The following DOCK10 variants were observed in gnomAD, a reference collection of about 807,000 sequenced individuals.
DOCK10 encodes dedicator of cytokinesis 10, also known as dedicator of cytokinesis protein 10.
In DOCK10, 145 loss-of-function variants were observed where a neutral mutation model predicts 280.1. The ratio of observed to expected loss-of-function variants is 0.52; its 90% CI spans 0.45 to 0.59. The LOEUF (loss-of-function observed/expected upper bound fraction) is 0.59, where lower values mean the gene tolerates loss of function less well. DOCK10 is among the 20% of genes least tolerant of loss of function. The pLI is 0.00. For missense variants in DOCK10, 2,368 were observed against 2,651.7 expected (o/e 0.89, Z 2.35); for synonymous variants, 915 against 942.2 (o/e 0.97, Z 0.53).
chr2:224,858,096 G>T (rs72972610), intron 14 of DOCK10, among the ~76,000 whole-genome samples: 1 of 152,032 alleles, frequency 6.6e-6, no homozygotes, highest in Non-Finnish European at 1.5e-5. Flanking sequence ...TATAAAGGGC[G>T]TTTGTTTCAG....
intron 3 of DOCK10, among the ~76,000 whole-genome samples, chr2:224,903,104 C>A (rs2055711): frequency 0.29 from 44,511 of 152,088 alleles, 10,491 homozygotes; most frequent in African/African-American, 0.66. Context: ...TCTCAAAAAA[C>A]CAAAACAAAA....
At chr2:224,769,809 G>A (rs1408970338) in intron 55 of DOCK10, among the ~76,000 whole-genome samples, 1 of 152,150 alleles carries the variant, frequency 6.6e-6, no homozygotes, top group Non-Finnish European at 1.5e-5. Flanking sequence ...TTCATCGTGA[G>A]TATAGTGTAG....
Position 224,804,188 on chromosome 2 carries a change from C to T in DOCK10, c.4192G>A (p.Val1398Met). 6.2e-7 allele frequency: 1 copy of T among 1,610,616 alleles called. No homozygotes were observed. The highest frequency in any genetic ancestry group is 8.5e-7 in the Non-Finnish European group (1 of 1,178,092). The change falls in exon 39 of 56, where the codon GTG (valine) becomes ATG (methionine). Residue 1398 changes from valine to methionine, a missense_variant. This residue lies in a region of DOCK10 where 1,159 missense variants were observed against 1,400.8 expected (regional missense o/e 0.83). Transcript: ENST00000258390. Reference protein sequence around the residue: ...IRKIAAAFKFVQSTQNNGTLK... With the variant: ...IRKIAAAFKFMQSTQNNGTLK... ...GTTCCATTGTTCTGGGTGGACTGCA[C>T]AAATTTAAATGCAGCAGCAATTTTT...
chr2:224,972,138 A>G (rs1705125264), intron 1 of DOCK10, among the ~76,000 whole-genome samples: 3 of 152,226 alleles, frequency 2.0e-5, no homozygotes, highest in Non-Finnish European at 4.4e-5. Flanking sequence ...CAACAAATAA[A>G]GAATACTGTG....
chr2:224,978,644 G>A (rs908930598), intron 1 of DOCK10, among the ~76,000 whole-genome samples: 3 of 152,032 alleles, frequency 2.0e-5, no homozygotes, highest in Non-Finnish European at 4.4e-5. Context: ...ACTTTCAAAT[G>A]GATTTATACA....
chr2:224,822,148 CA>C (rs1323976188), intron 28 of DOCK10, among the ~76,000 whole-genome samples: 1 of 152,092 alleles, frequency 6.6e-6, no homozygotes, highest in Non-Finnish European at 1.5e-5. Context: ...CATTAAGAAA[CA>C]AGTCAAATGA....
At chr2:225,027,540 C>T (rs1034215170) in intron 1 of DOCK10, among the ~76,000 whole-genome samples, 2 of 152,058 alleles carry the variant, frequency 1.3e-5, no homozygotes, top group Admixed American at 6.5e-5. Context: ...TAACACCATC[C>T]GCCCTGGTAC....
At chr2:225,016,122 G>C (rs1488910680) in intron 1 of DOCK10, among the ~76,000 whole-genome samples, 1 of 152,116 alleles carries the variant, frequency 6.6e-6, no homozygotes, top group Non-Finnish European at 1.5e-5. Context: ...ACTTCATCTA[G>C]AGTCAGGTAG....
chr2:224,851,447 CT>C lies in DOCK10; in HGVS notation c.2142+929del, dbSNP rs34157478. On this transcript the variant is annotated intron_variant, in intron 18 of 55. Transcript: ENST00000258390. ...GATGCTGACAGTGGCTCAAGACCTT[CT>C]TTTTTTTTTTAAAAAAAAAAAAAAA... Among the ~76,000 whole-genome samples, 90 of 116,842 alleles carry C rather than the reference CT, an allele frequency of 7.7e-4. 1 individual carries two copies. The Middle Eastern group carries it at 0.036, about 47-fold the overall frequency. 76.7% of individuals were successfully genotyped at this position (116,842 alleles called of 152,430 possible). A position where few individuals can be genotyped will look rare whatever the true frequency, so the allele number is the denominator to read the frequency against.
At position 224,837,817 on chromosome 2, in the gene DOCK10, A is replaced by T; in HGVS notation, c.2795T>A (p.Ile932Asn). The change falls in exon 25 of 56, where the codon ATT becomes AAT. Residue 932 changes from isoleucine to asparagine, a missense_variant. This residue lies in a region of DOCK10 where 1,209 missense variants were observed against 1,250.9 expected (regional missense o/e 0.97). Coordinates refer to ENST00000258390, the MANE Select transcript of DOCK10 (RefSeq NM_014689.3). Reference sequence around the variant, plus strand: ...CTGCTCCTCATGGCACTTGGCCACAATGTCGGTCAGAACCCTGCAAAAGCA... The same window carrying T: ...CTGCTCCTCATGGCACTTGGCCACATTGTCGGTCAGAACCCTGCAAAAGCA... The part of the protein sequence containing the change: ...TTTVTRVLTD[I>N]VAKCHEEQLD... 1 of 1,613,942 alleles carries T rather than the reference A, an allele frequency of 6.2e-7. No individual in the cohort carries two copies. Among genetic ancestry groups the T allele is most frequent in the Non-Finnish European group, 8.5e-7 (1 of 1,179,876 alleles).
chr2:224,940,666 C>G (rs1047045105), intron 1 of DOCK10, among the ~76,000 whole-genome samples: 7 of 152,174 alleles, frequency 4.6e-5, no homozygotes, highest in Admixed American at 2.0e-4. Context: ...TTCCATTAAG[C>G]CTTACCCATT....
At chr2:224,773,697 T>C (rs1204231709) in intron 52 of DOCK10, among the ~76,000 whole-genome samples, 1 of 151,830 alleles carries the variant, frequency 6.6e-6, no homozygotes, top group Non-Finnish European at 1.5e-5. Flanking sequence ...AGTGGCGCGA[T>C]CTCGGCTCAC....
chr2:224,899,715 T>C (rs1439544389), intron 3 of DOCK10, among the ~76,000 whole-genome samples: 1 of 152,062 alleles, frequency 6.6e-6, no homozygotes, highest in African/African-American at 2.4e-5. Context: ...TGCCCCAGAG[T>C]ATATCGTCAT....
rs539801298 is a variant in DOCK10, at chr2:225,006,712, C to G, written c.123+35540G>C. On this transcript the variant is annotated intron_variant, in intron 1 of 55. Transcript: ENST00000258390. ...TCTATGTTTGGAGAAATAAAAGGAG[C>G]AAGGAAGGAATAAACATGCAGATTA... 2.6e-5 allele frequency among the ~76,000 whole-genome samples: 4 copies of G among 152,292 alleles called. No individual in the cohort carries two copies. The East Asian group carries it at 7.7e-4, about 29-fold the overall frequency.
At chr2:225,001,790 G>T (rs1250869196) in intron 1 of DOCK10, among the ~76,000 whole-genome samples, 3 of 152,194 alleles carry the variant, frequency 2.0e-5, no homozygotes, top group Non-Finnish European at 4.4e-5. Context: ...CTGCCTCCTG[G>T]TTCACAGATG....
At chr2:224,975,258 C>T (rs1705365070) in intron 1 of DOCK10, among the ~76,000 whole-genome samples, 1 of 152,150 alleles carries the variant, frequency 6.6e-6, no homozygotes, top group African/African-American at 2.4e-5. Flanking sequence ...CCATTCAATT[C>T]ATTTGTCCAT....
chr2:224,833,445 C>A (rs962691677), intron 26 of DOCK10, among the ~76,000 whole-genome samples: 1 of 151,996 alleles, frequency 6.6e-6, no homozygotes, highest in Admixed American at 6.6e-5. Context: ...CAGGTCTTTC[C>A]CTCTGAGCAT....
intron 51 of DOCK10, among the ~76,000 whole-genome samples, chr2:224,777,146 GA>G (rs1472296873): frequency 6.6e-6 from 1 of 152,224 alleles, no homozygotes; most frequent in Non-Finnish European, 1.5e-5. Context: ...TAATCTAAAA[GA>G]AGAGGTAAGT....
At chr2:224,916,268 C>T (rs1325012163) in intron 3 of DOCK10, among the ~76,000 whole-genome samples, 6 of 152,304 alleles carry the variant, frequency 3.9e-5, no homozygotes, top group South Asian at 4.1e-4. Flanking sequence ...TGGCCGGACG[C>T]GGTGGCTCAT....
Sources: allele counts gnomAD v4.1 joint callset (sites outside exome capture counted in the v4.1 genomes callset), GRCh38; gene constraint gnomAD v4.1.1; regional missense constraint gnomAD v4.1.1; transcripts MANE v1.5; gene names NCBI Gene and HGNC (gene_info 2026-07-23, HGNC 2026-07-21).